Variants in C1QTNF7 observed in about 807,000 individuals in gnomAD.
C1QTNF7 encodes complement C1q tumor necrosis factor-related protein 7.
A neutral mutation model predicts 19.6 loss-of-function variants in C1QTNF7; 15 were observed. That is an observed-to-expected ratio of 0.76 (90% CI 0.51 to 1.18). C1QTNF7 has a LOEUF of 1.18. Among genes scored for constraint, C1QTNF7 ranks in the 50% most tolerant of loss-of-function variants. C1QTNF7 has a pLI of 0.00. For missense variants in C1QTNF7, 324 were observed against 359.7 expected (o/e 0.90, Z 0.80); for synonymous variants, 142 against 137.5 (o/e 1.03, Z -0.23).
chr4:15,376,516 A>T (rs1449382786), intron 1 of C1QTNF7, among the ~76,000 whole-genome samples: 1 of 152,234 alleles, frequency 6.6e-6, no homozygotes, highest in Non-Finnish European at 1.5e-5. Flanking sequence ...ACAATAAAAT[A>T]GAGCTCATAA....
chr4:15,442,896 A>T lies in C1QTNF7; in HGVS notation c.*97A>T. The stretch of plus-strand genomic sequence containing the variant: ...GGGATCCAAAGAGACTCCCACTCAG[A>T]TTCTAAAGCATTTAAAGACAATTCT... On this transcript the variant is annotated 3_prime_UTR_variant, in exon 3 of 3. Coordinates refer to ENST00000444304, the MANE Select transcript of C1QTNF7 (RefSeq NM_031911.5). 1 of 1,258,354 alleles carries T rather than the reference A, an allele frequency of 7.9e-7. No homozygotes were observed. The highest frequency in any genetic ancestry group is 1.6e-5 in the South Asian group (1 of 63,016). 77.9% of individuals were successfully genotyped at this position (1,258,354 alleles called of 1,614,324 possible).
At chr4:15,380,899 C>T (rs1718116566) in intron 1 of C1QTNF7, among the ~76,000 whole-genome samples, 1 of 151,866 alleles carries the variant, frequency 6.6e-6, no homozygotes, top group African/African-American at 2.4e-5. Flanking sequence ...CACACCACTA[C>T]ACTCCAGCCT....
intron 1 of C1QTNF7, among the ~76,000 whole-genome samples, chr4:15,367,019 C>G (rs961233777): frequency 6.6e-6 from 1 of 152,126 alleles, no homozygotes; most frequent in South Asian, 2.1e-4. Flanking sequence ...ATAGGGGGTG[C>G]ATCTATTTAT....
intron 1 of C1QTNF7, among the ~76,000 whole-genome samples, chr4:15,346,340 G>T (rs1047939349): frequency 2.6e-5 from 4 of 152,114 alleles, no homozygotes; most frequent in Non-Finnish European, 4.4e-5. Flanking sequence ...ATTATTAATT[G>T]GTTCTAATTA....
intron 1 of C1QTNF7, among the ~76,000 whole-genome samples, chr4:15,414,610 A>G (rs1205663657): frequency 6.6e-6 from 1 of 152,064 alleles, no homozygotes. Context: ...CCTGACTAGA[A>G]TATCCGTTTG....
In C1QTNF7 at chr4:15,350,388, C is replaced by G. The variant is rs1002339891; in HGVS notation, c.13+10181C>G. Among the ~76,000 whole-genome samples, 4 of 139,822 alleles carry G rather than the reference C, an allele frequency of 2.9e-5. No homozygotes were observed. The Admixed American group carries it at 2.9e-4, about 10-fold the overall frequency. 91.7% of individuals were successfully genotyped at this position (139,822 alleles called of 152,430 possible). ...GAAAAAAGAATTCTGAATTTTTCTT[C>G]ACTTTTTCCTAAAGTTACTCATTTT... On this transcript the variant is annotated intron_variant, in intron 1 of 2. Transcript: ENST00000295297.
intron 2 of C1QTNF7, among the ~76,000 whole-genome samples, chr4:15,438,223 T>G (rs999788762): frequency 2.0e-5 from 3 of 152,164 alleles, no homozygotes; most frequent in African/African-American, 2.4e-5. Context: ...TAACCTGAGA[T>G]TATTTAAATA....
intron 1 of C1QTNF7, among the ~76,000 whole-genome samples, chr4:15,357,480 TAC>T (rs1421432569): frequency 2.0e-5 from 3 of 152,228 alleles, no homozygotes; most frequent in African/African-American, 4.8e-5. Context: ...GCTGTTTTGT[TAC>T]TGCAGCCTTG....
intron 1 of C1QTNF7, among the ~76,000 whole-genome samples, chr4:15,363,141 C>G (rs1253016240): frequency 6.6e-6 from 1 of 152,020 alleles, no homozygotes; most frequent in Non-Finnish European, 1.5e-5. Flanking sequence ...TACATGTCTT[C>G]CCTTGATGGT....
At chr4:15,364,062 A>G (rs1390702127) in intron 1 of C1QTNF7, among the ~76,000 whole-genome samples, 1 of 152,164 alleles carries the variant, frequency 6.6e-6, no homozygotes, top group East Asian at 1.9e-4. Flanking sequence ...TCTTGTTATG[A>G]TCCCACTATG....
chr4:15,436,096 C>T, intron 2 of C1QTNF7, 115 bp downstream of exon 2: 1 of 1,411,572 alleles, frequency 7.1e-7, no homozygotes, highest in Non-Finnish European at 9.5e-7. Flanking sequence ...TCTGTACTTT[C>T]ATTAATCGTA....
intron 2 of C1QTNF7, among the ~76,000 whole-genome samples, chr4:15,437,463 G>A (rs1280723727): frequency 6.6e-6 from 1 of 152,112 alleles, no homozygotes; most frequent in Non-Finnish European, 1.5e-5. Context: ...CTGCAAATAT[G>A]AGTCACAGCT....
At position 15,442,324 on chromosome 4, in the gene C1QTNF7, A is replaced by G. The variant is rs780351928; in HGVS notation, c.395A>G (p.Asp132Gly). 3.9e-5 allele frequency: 63 copies of G among 1,613,814 alleles called. No individual in the cohort carries two copies. The highest frequency in any genetic ancestry group is 5.3e-5 in the Non-Finnish European group (62 of 1,179,986). The change falls in exon 3 of 3, where the codon GAC becomes GGC. Residue 132 changes from aspartate to glycine, a missense_variant. Transcript: ENST00000444304. ...AAGGGAGACAGAGGAGAACAAGGGG[A>G]CCCGGGGCTGCCTGGAGTTTGCAGA... is the stretch of plus-strand genomic sequence containing the variant. ...GPKGDRGEQG[D>G]PGLPGVCRCG...
intron 1 of C1QTNF7, among the ~76,000 whole-genome samples, chr4:15,373,162 G>T (rs1717794205): frequency 6.6e-6 from 1 of 152,196 alleles, no homozygotes. Flanking sequence ...GTGCCAACAG[G>T]TTTAAGGCCT....
chr4:15,361,804 G>A (rs1237294391), intron 1 of C1QTNF7, among the ~76,000 whole-genome samples: 2 of 152,198 alleles, frequency 1.3e-5, no homozygotes, highest in Non-Finnish European at 2.9e-5. Context: ...GCATTGCTAT[G>A]TATGAGTAGA....
Position 15,363,448 on chromosome 4 carries a change from C to A in C1QTNF7, c.13+23241C>A, listed in dbSNP as rs940990748. 2.6e-4 allele frequency among the ~76,000 whole-genome samples: 39 copies of A among 152,300 alleles called. No homozygotes were observed. In the East Asian group the frequency reaches 4.6e-3, roughly 18 times the overall value. On this transcript the variant is annotated intron_variant, in intron 1 of 2. Transcript: ENST00000295297. Reference sequence around the variant, plus strand: ...TTGTAATCACAAGACATCTACTCTACCTCAATGCCATGACTGCATTCTGGA... The same window carrying A: ...TTGTAATCACAAGACATCTACTCTAACTCAATGCCATGACTGCATTCTGGA...
chr4:15,354,984 C>T (rs1375276383), intron 1 of C1QTNF7, among the ~76,000 whole-genome samples: 1 of 152,078 alleles, frequency 6.6e-6, no homozygotes, highest in South Asian at 2.1e-4. Context: ...AGCCAGGGCG[C>T]GCTTTGGGGG....
At chr4:15,410,381 A>G (rs1719363521) in intron 1 of C1QTNF7, among the ~76,000 whole-genome samples, 2 of 152,226 alleles carry the variant, frequency 1.3e-5, no homozygotes. Context: ...TGTGAGCTTT[A>G]TCATTACAAG....
intron 1 of C1QTNF7, among the ~76,000 whole-genome samples, chr4:15,400,063 CA>C (rs1718928911): frequency 6.6e-6 from 1 of 152,170 alleles, no homozygotes; most frequent in Non-Finnish European, 1.5e-5. Context: ...GAAGATACAT[CA>C]ATGTGATTGT....
Sources: allele counts gnomAD v4.1 joint callset (sites outside exome capture counted in the v4.1 genomes callset), GRCh38; gene constraint gnomAD v4.1.1; transcripts MANE v1.5; gene names NCBI Gene and HGNC (gene_info 2026-07-23, HGNC 2026-07-21).